Variants in UBE3A observed in about 807,000 individuals in gnomAD.
UBE3A encodes the protein ubiquitin-protein ligase E3A.
Under a neutral mutation model 83.4 loss-of-function variants are expected in UBE3A, and 6 were observed. The ratio of observed to expected loss-of-function variants is 0.07; its 90% CI spans 0.04 to 0.14. UBE3A has a LOEUF of 0.14. Among genes scored for constraint, UBE3A ranks in the 10% least tolerant of loss-of-function variants. The pLI is 1.00. For synonymous variants in UBE3A, 337 were observed against 355.4 expected (o/e 0.95, Z 0.58); for missense variants, 456 against 1,036.1 (o/e 0.44, Z 7.69).
intron 4 of UBE3A, among the ~76,000 whole-genome samples, chr15:25,396,180 G>A (rs575523704): frequency 2.4e-4 from 36 of 151,978 alleles, no homozygotes; most frequent in Admixed American, 9.2e-4. Context: ...CAGCCTGGGT[G>A]ACAGAGCAAG....
At position 25,339,087 on chromosome 15, in the gene UBE3A, T is replaced by TTTC; in HGVS notation, c.*47_*49dup. The TTTC allele has an allele frequency of 6.8e-7, 1 of 1,481,362 alleles. No homozygotes were observed. The highest frequency in any genetic ancestry group is 8.9e-7 in the Non-Finnish European group (1 of 1,121,452). 91.8% of individuals were successfully genotyped at this position (1,481,362 alleles called of 1,614,324 possible). A position where few individuals can be genotyped will look rare whatever the true frequency, so the allele number is the denominator to read the frequency against. ...TATATTTTTAAAATTTTTTAAATTTTTTCTTTTTTTTTCCTTCCTTTTTTT... is the reference window on the plus strand; with the variant it reads ...TATATTTTTAAAATTTTTTAAATTTTTTCTTCTTTTTTTTTCCTTCCTTTTTTT... On this transcript the variant is annotated 3_prime_UTR_variant, in exon 13 of 13. Coordinates refer to ENST00000648336, the MANE Select transcript of UBE3A (RefSeq NM_130839.5).
At chr15:25,381,099 AT>A (rs1449028797) in intron 4 of UBE3A, among the ~76,000 whole-genome samples, 1 of 152,222 alleles carries the variant, frequency 6.6e-6, no homozygotes, top group East Asian at 1.9e-4. Flanking sequence ...AAAAATTAAG[AT>A]GGATTGATGG....
chr15:25,416,543 G>C (rs2090960826), intron 1 of UBE3A, among the ~76,000 whole-genome samples: 1 of 151,662 alleles, frequency 6.6e-6, no homozygotes, highest in African/African-American at 2.4e-5. Flanking sequence ...CTACGCAGGA[G>C]CTGCTGCTGT....
In UBE3A at chr15:25,370,469, T is replaced by A; in HGVS notation, c.1608+97A>T. 7.1e-7 allele frequency: 1 copy of A among 1,403,310 alleles called. No homozygotes were observed. Among genetic ancestry groups the A allele is most frequent in the Non-Finnish European group, 1.0e-6 (1 of 988,598 alleles). 86.9% of individuals were successfully genotyped at this position (1,403,310 alleles called of 1,614,324 possible). ...GAAATGTCCATGTGTTCCTATGCTA[T>A]ATGGTATCATTTTTTTCAGTCACTT... On this transcript the variant is annotated intron_variant, in intron 6 of 12. Coordinates refer to ENST00000648336, the MANE Select transcript of UBE3A (RefSeq NM_130839.5). This position sits in a 1 kb window ranked among gnomAD's most constrained non-coding sequence, Gnocchi z 4.2.
At chr15:25,413,788 C>T (rs985316364) in intron 1 of UBE3A, among the ~76,000 whole-genome samples, 2 of 151,938 alleles carry the variant, frequency 1.3e-5, no homozygotes, top group African/African-American at 4.8e-5. Context: ...GTGCTTTGGC[C>T]CCTTAATCCT....
At chr15:25,361,995 C>T (rs1257964138) in intron 6 of UBE3A, among the ~76,000 whole-genome samples, 1 of 152,150 alleles carries the variant, frequency 6.6e-6, no homozygotes, top group Non-Finnish European at 1.5e-5. Context: ...TTTTTTCAAA[C>T]TTGTCACCTG....
intron 4 of UBE3A, among the ~76,000 whole-genome samples, chr15:25,382,328 AAAAAG>A (rs1351230368): frequency 3.9e-5 from 6 of 152,206 alleles, no homozygotes; most frequent in East Asian, 3.9e-4. Flanking sequence ...CTCAAAAAAA[AAAAAG>A]AAAAGAAAAG....
At position 25,356,810 on chromosome 15, in the gene UBE3A, T is replaced by C. The variant is rs1461437467; in HGVS notation, c.1840A>G (p.Ile614Val). The change falls in exon 8 of 13, where the codon ATA becomes GTA. Residue 614 changes from isoleucine (I) to valine (V), a missense_variant. Around this residue, in one of 13 missense-constraint regions of UBE3A, gnomAD observed 58 missense variants for 237.1 expected, o/e 0.24. Coordinates refer to ENST00000648336, the MANE Select transcript of UBE3A (RefSeq NM_130839.5). The stretch of plus-strand genomic sequence containing the variant: ...TTGTAAATAGCCAGACCCAGTACTA[T>C]GCCAATCAGAGTAAACTGACCCTCA... ...ETEGQFTLIG[I>V]VLGLAIYNNC... The C allele has an allele frequency of 1.2e-6, 2 of 1,613,842 alleles. No homozygotes were observed. Among genetic ancestry groups the C allele is most frequent in the South Asian group, 1.1e-5 (1 of 91,080 alleles).
At chr15:25,399,036 C>T (rs2086450516) in intron 4 of UBE3A, among the ~76,000 whole-genome samples, 1 of 151,216 alleles carries the variant, frequency 6.6e-6, no homozygotes, top group Non-Finnish European at 1.5e-5. Flanking sequence ...AGTCCTTTGC[C>T]CATTTCTTAA....
At chr15:25,397,259 CTACTT>C (rs2085796518) in intron 4 of UBE3A, among the ~76,000 whole-genome samples, 5 of 152,166 alleles carry the variant, frequency 3.3e-5, no homozygotes. Context: ...TCCTGTTACT[CTACTT>C]TAACACAGCC....
chr15:25,400,005 T>C (rs1273370306), intron 4 of UBE3A, among the ~76,000 whole-genome samples: 1 of 152,224 alleles, frequency 6.6e-6, no homozygotes, highest in East Asian at 1.9e-4. Context: ...TTTAGGATCT[T>C]ATGTGGTTCC....
chr15:25,385,725 A>G (rs909126740), intron 4 of UBE3A, among the ~76,000 whole-genome samples: 14 of 152,126 alleles, frequency 9.2e-5, no homozygotes, highest in Admixed American at 3.9e-4. Context: ...ACATAGCATC[A>G]CCATTTATCT....
rs2073952331 is a variant in UBE3A at position 25,336,179 on chromosome 15, A to C, written c.*2958T>G. On this transcript the variant is annotated 3_prime_UTR_variant, in exon 13 of 13. Transcript: ENST00000648336. ...ACACTAACACTGTTGAGGTAAAAGG[A>C]GACAAGTGAGGGAGCAAATGGAAGG... The C allele has an allele frequency of 6.6e-6, 1 of 152,200 alleles. No homozygotes were observed. Among genetic ancestry groups the C allele is most frequent in the Non-Finnish European group, 1.5e-5 (1 of 68,052 alleles). 9.4% of individuals were successfully genotyped at this position (152,200 alleles called of 1,614,324 possible).
chr15:25,420,903 C>G (rs893773070), intron 1 of UBE3A, among the ~76,000 whole-genome samples: 3 of 152,076 alleles, frequency 2.0e-5, no homozygotes, highest in Admixed American at 2.0e-4. Context: ...TACAAAGAGT[C>G]CAAATGTCCA....
chr15:25,375,822 T>C, intron 4 of UBE3A, 59 bp from the exon 5 acceptor site: 1 of 1,588,630 alleles, frequency 6.3e-7, no homozygotes, highest in Non-Finnish European at 8.5e-7. Flanking sequence ...AGTACAAAGC[T>C]CAACATATCA....
At chr15:25,437,816 G>A (rs1048694176) in intron 1 of UBE3A, among the ~76,000 whole-genome samples, 1 of 151,900 alleles carries the variant, frequency 6.6e-6, no homozygotes, top group Non-Finnish European at 1.5e-5. Flanking sequence ...CCACCAAGAT[G>A]AGGAAAGCAT....
At chr15:25,339,457 T>C in intron 12 of UBE3A, 200 bp from the exon 13 acceptor site, 1 of 548,804 alleles carries the variant, frequency 1.8e-6, no homozygotes, top group East Asian at 3.6e-5. Context: ...CTAGTGACGA[T>C]GATAAGATAC....
intron 9 of UBE3A, among the ~76,000 whole-genome samples, chr15:25,355,330 T>C (rs2077071002): frequency 6.6e-6 from 1 of 152,150 alleles, no homozygotes; most frequent in African/African-American, 2.4e-5. Context: ...TTTGTACCCT[T>C]AGTGTGTATA....
intron 6 of UBE3A, among the ~76,000 whole-genome samples, chr15:25,363,939 C>T (rs1345474351): frequency 1.3e-5 from 2 of 151,880 alleles, no homozygotes; most frequent in Non-Finnish European, 2.9e-5. Context: ...CACCTGTAAT[C>T]CCACCACTTT....
Sources: allele counts gnomAD v4.1 joint callset (sites outside exome capture counted in the v4.1 genomes callset), GRCh38; gene constraint gnomAD v4.1.1; regional missense constraint gnomAD v4.1.1; non-coding constraint Gnocchi (gnomAD v3.1); transcripts MANE v1.5; gene names NCBI Gene and HGNC (gene_info 2026-07-23, HGNC 2026-07-21).